ROBO2: variants seen among roughly 807,000 people sequenced by gnomAD.
ROBO2 encodes the protein roundabout guidance receptor 2, also known as roundabout homolog 2.
ROBO2 carries 53 observed loss-of-function variants against 160.8 expected under a neutral mutation model. That is an observed-to-expected ratio of 0.33 (90% CI 0.26 to 0.41). The LOEUF is 0.41. ROBO2 is among the 10% of genes least tolerant of loss of function. ROBO2 has a pLI of 1.00. For synonymous variants in ROBO2, 664 were observed against 611.7 expected, an observed-to-expected ratio of 1.09 and a Z score of -1.26; for missense variants, 1,577 against 1,722.4, an observed-to-expected ratio of 0.92 and a Z score of 1.49.
chr3:76,494,771 G>T (rs13072216), intron 2 of ROBO2, among the ~76,000 whole-genome samples: 41,791 of 152,042 alleles, frequency 0.27, 7,122 homozygotes, highest in East Asian at 0.38. Flanking sequence ...AAAGCATTAC[G>T]CTAAGTGAAA....
chr3:76,482,965 A>G (rs889994279), intron 2 of ROBO2, among the ~76,000 whole-genome samples: 4 of 152,164 alleles, frequency 2.6e-5, no homozygotes, highest in African/African-American at 7.2e-5. Flanking sequence ...TGTGTTTCCA[A>G]CATCCTCAAA....
At chr3:75,909,418 T>C (rs1402671919) in intron 1 of ROBO2, among the ~76,000 whole-genome samples, 1 of 152,150 alleles carries the variant, frequency 6.6e-6, no homozygotes, top group Non-Finnish European at 1.5e-5. Flanking sequence ...TCAAATGCAT[T>C]GAAACAATTT....
At chr3:77,217,413 G>A (rs2085125052) in intron 2 of ROBO2, among the ~76,000 whole-genome samples, 1 of 152,146 alleles carries the variant, frequency 6.6e-6, no homozygotes, top group Non-Finnish European at 1.5e-5. Context: ...AAAGTGCTGG[G>A]ATTACAGGCA....
chr3:76,040,652 C>G (rs1345457397), intron 2 of ROBO2, among the ~76,000 whole-genome samples: 4 of 151,998 alleles, frequency 2.6e-5, no homozygotes, highest in South Asian at 2.1e-4. Flanking sequence ...AATCAAATAT[C>G]TGTTTCAAGT....
At chr3:77,538,916 T>G in intron 6 of ROBO2, 1 of 469,800 alleles carries the variant, frequency 2.1e-6, no homozygotes, top group Non-Finnish European at 4.3e-6. Flanking sequence ...ACTTTTTAAT[T>G]TTTTTTCTTC....
At chr3:76,503,667 A>G (rs1384254223) in intron 2 of ROBO2, among the ~76,000 whole-genome samples, 1 of 152,218 alleles carries the variant, frequency 6.6e-6, no homozygotes, top group Non-Finnish European at 1.5e-5. Context: ...AACCTGGAAC[A>G]TATTATGTTA....
At chr3:76,163,751 GT>G (rs144923422) in intron 2 of ROBO2, among the ~76,000 whole-genome samples, 15 of 149,354 alleles carry the variant, frequency 1.0e-4, no homozygotes, top group African/African-American at 3.4e-4. Context: ...ACCATAATTA[GT>G]TTTTTTTTTG....
chr3:77,503,442 T>C (rs1007409413), intron 5 of ROBO2, among the ~76,000 whole-genome samples: 1 of 150,948 alleles, frequency 6.6e-6, no homozygotes, highest in Non-Finnish European at 1.5e-5. Flanking sequence ...GAGAATGGCG[T>C]CAACCCGGGA....
At chr3:77,341,006 C>CA (rs976000614) in intron 2 of ROBO2, among the ~76,000 whole-genome samples, 1 of 151,778 alleles carries the variant, frequency 6.6e-6, no homozygotes, top group African/African-American at 2.4e-5. Context: ...TAATGGCTGA[C>CA]AAAAAATCAA....
At chr3:77,119,451 G>T (rs779428919) in intron 2 of ROBO2, among the ~76,000 whole-genome samples, 1 of 152,148 alleles carries the variant, frequency 6.6e-6, no homozygotes, top group Non-Finnish European at 1.5e-5. Context: ...TATTATTTTA[G>T]CATAAAGATT....
intron 2 of ROBO2, among the ~76,000 whole-genome samples, chr3:76,688,361 A>C (rs1391661298): frequency 6.6e-6 from 1 of 152,048 alleles, no homozygotes; most frequent in Non-Finnish European, 1.5e-5. Context: ...TAAGTTACAC[A>C]AGCCATGCAA....
chr3:77,198,911 A>G (rs1046638220), intron 2 of ROBO2, among the ~76,000 whole-genome samples: 2 of 152,162 alleles, frequency 1.3e-5, no homozygotes, highest in African/African-American at 2.4e-5. Context: ...CTAAAAAAAA[A>G]GAAAAAAGAA....
intron 24 of ROBO2, 97 bp from the exon 27 acceptor site, chr3:77,644,607 T>C: frequency 9.5e-7 from 1 of 1,051,482 alleles, no homozygotes; most frequent in South Asian, 1.3e-5. Flanking sequence ...AATGAAATGG[T>C]AAAGTAGGCC....
chr3:76,346,748 C>A (rs1465578973), intron 2 of ROBO2, among the ~76,000 whole-genome samples: 1 of 152,082 alleles, frequency 6.6e-6, no homozygotes, highest in Non-Finnish European at 1.5e-5. Context: ...ATTTTACATC[C>A]TTCTAAGGGA....
intron 2 of ROBO2, among the ~76,000 whole-genome samples, chr3:76,471,973 CAT>C (rs2078678441): frequency 6.6e-6 from 1 of 151,934 alleles, no homozygotes; most frequent in African/African-American, 2.4e-5. Flanking sequence ...CCTCCCACGA[CAT>C]GTGGAGATTA....
chr3:76,703,506 C>T lies in ROBO2; in HGVS notation c.110-394508C>T, dbSNP rs530295795. ...CATTAGGTATTTCTCCTAATGCTCT[C>T]CCTCCCCTTTCCCCCACCCCCGACA... On this transcript the variant is annotated intron_variant, in intron 2 of 26. Coordinates refer to the ROBO2 transcript ENST00000487694. Among the ~76,000 whole-genome samples, 11 of 152,148 alleles carry T rather than the reference C, an allele frequency of 7.2e-5. No homozygotes were observed. The South Asian group carries it at 2.3e-3, about 32-fold the overall frequency.
intron 2 of ROBO2, among the ~76,000 whole-genome samples, chr3:76,130,523 C>T (rs774132760): frequency 6.6e-6 from 1 of 152,040 alleles, no homozygotes; most frequent in Non-Finnish European, 1.5e-5. Context: ...CGCATACACT[C>T]ACACACATAT....
At position 76,569,388 on chromosome 3, in the gene ROBO2, C is replaced by T. The variant is rs2084815209; in HGVS notation, c.110-528626C>T. ...TTTATAAAAATATAAAATATAATTA[C>T]ATATCTTCATATCAATTGAGATCAA... On this transcript the variant is annotated intron_variant, in intron 2 of 26. Coordinates refer to the ROBO2 transcript ENST00000487694. Among the ~76,000 whole-genome samples, 4 of 152,216 alleles carry T rather than the reference C, an allele frequency of 2.6e-5. No homozygotes were observed. The South Asian group carries it at 8.3e-4, about 32-fold the overall frequency.
At chr3:76,636,214 A>C (rs901998616) in intron 2 of ROBO2, among the ~76,000 whole-genome samples, 2 of 152,192 alleles carry the variant, frequency 1.3e-5, no homozygotes, top group African/African-American at 4.8e-5. Flanking sequence ...ACATTGAGAC[A>C]AGAAAAATTG....
Sources: allele counts gnomAD v4.1 joint callset (sites outside exome capture counted in the v4.1 genomes callset), GRCh38; gene constraint gnomAD v4.1.1; transcripts MANE v1.5; gene names NCBI Gene and HGNC (gene_info 2026-07-23, HGNC 2026-07-21).